The following ASTN2 variants were observed in gnomAD, a reference collection of about 807,000 sequenced individuals.
ASTN2 encodes astrotactin 2, also known as astrotactin-2.
In ASTN2, 54 loss-of-function variants were observed where a neutral mutation model predicts 139.8. The observed-to-expected ratio is 0.39, with a 90% confidence interval of 0.31 to 0.48. The LOEUF (loss-of-function observed/expected upper bound fraction) is 0.48, where lower values mean the gene tolerates loss of function less well. Ranked by LOEUF, ASTN2 falls within the 20% of genes least tolerant of loss-of-function variation. ASTN2 has a pLI of 0.95. For missense variants in ASTN2, 1,565 were observed against 1,725.1 expected (o/e 0.91, Z 1.64); for synonymous variants, 756 against 719.5 (o/e 1.05, Z -0.81).
intron 3 of ASTN2, among the ~76,000 whole-genome samples, chr9:117,169,722 G>A (rs1035975797): frequency 6.6e-6 from 1 of 150,398 alleles, no homozygotes; most frequent in African/African-American, 2.4e-5. Context: ...TGGAGGCTAC[G>A]TCAGACATGG....
intron 19 of ASTN2, among the ~76,000 whole-genome samples, chr9:116,615,178 C>T (rs1016402929): frequency 1.2e-4 from 19 of 152,116 alleles, no homozygotes; most frequent in African/African-American, 3.9e-4. Flanking sequence ...CAATGAGATA[C>T]CATCTCACAC....
intron 19 of ASTN2, among the ~76,000 whole-genome samples, chr9:116,498,792 G>A (rs1314768182): frequency 6.6e-6 from 1 of 152,154 alleles, no homozygotes; most frequent in Non-Finnish European, 1.5e-5. Context: ...CCAATGTTCA[G>A]CTCCAAGGAC....
intron 2 of ASTN2, among the ~76,000 whole-genome samples, chr9:117,269,788 A>G (rs1834021654): frequency 6.6e-6 from 1 of 152,230 alleles, no homozygotes; most frequent in Admixed American, 6.5e-5. Flanking sequence ...AGTTTTTCCA[A>G]GGTTGCATAG....
At chr9:116,621,217 A>G (rs191661497) in intron 17 of ASTN2, among the ~76,000 whole-genome samples, 1 of 152,190 alleles carries the variant, frequency 6.6e-6, no homozygotes, top group East Asian at 1.9e-4. Flanking sequence ...ATTACTTAAC[A>G]CTGCCTTTGT....
intron 10 of ASTN2, among the ~76,000 whole-genome samples, chr9:116,952,029 A>G (rs1038943288): frequency 6.6e-6 from 1 of 152,232 alleles, no homozygotes; most frequent in African/African-American, 2.4e-5. Context: ...GGGTTGTGCC[A>G]CTATAGCTGA....
intron 1 of ASTN2, among the ~76,000 whole-genome samples, chr9:117,302,885 A>G (rs143544128): frequency 1.3e-5 from 2 of 152,316 alleles, no homozygotes; most frequent in African/African-American, 4.8e-5. Flanking sequence ...ACGCTGGCCT[A>G]AATCCATTGC....
Position 117,196,201 on chromosome 9 carries a change from C to T in ASTN2, c.1015+18157G>A, listed in dbSNP as rs577291271. ...TTACTTAACCCCTCTTTGCTTTGGT[C>T]TCCTCCTCTGTACAGTAGGGATAAC... is the stretch of plus-strand genomic sequence containing the variant. On this transcript the variant is annotated intron_variant, in intron 3 of 22. Transcript: ENST00000313400. 3.3e-5 allele frequency among the ~76,000 whole-genome samples: 5 copies of T among 152,250 alleles called. No homozygotes were observed. The East Asian group carries it at 9.7e-4, about 29-fold the overall frequency.
At chr9:117,273,856 A>G (rs1213925879) in intron 2 of ASTN2, among the ~76,000 whole-genome samples, 1 of 152,188 alleles carries the variant, frequency 6.6e-6, no homozygotes, top group Non-Finnish European at 1.5e-5. Context: ...TATCAAACCA[A>G]TTGACCTCCT....
intron 4 of ASTN2, among the ~76,000 whole-genome samples, chr9:117,110,447 C>T (rs573786655): frequency 6.6e-6 from 1 of 152,192 alleles, no homozygotes; most frequent in South Asian, 2.1e-4. Flanking sequence ...GAATATTAGG[C>T]TTTGATGATG....
chr9:116,990,370 G>A (rs553005699), intron 7 of ASTN2, among the ~76,000 whole-genome samples: 442 of 29,532 alleles, frequency 0.015, 1 homozygote, highest in African/African-American at 0.018. Flanking sequence ...GGGTTCAAGC[G>A]ATTCTCCTGC....
chr9:116,661,871 G>A (rs958215205), intron 16 of ASTN2, among the ~76,000 whole-genome samples: 4 of 151,944 alleles, frequency 2.6e-5, no homozygotes, highest in African/African-American at 4.8e-5. Context: ...TGTGGGGTGC[G>A]GGGAGGGGAG....
intron 22 of ASTN2, among the ~76,000 whole-genome samples, chr9:116,438,669 G>A (rs7851264): frequency 0.3 from 45,612 of 152,134 alleles, 7,279 homozygotes; most frequent in East Asian, 0.5. Context: ...ATCTTGGGCC[G>A]GGCGGTGGCT....
At chr9:117,286,472 C>T (rs1466143244) in intron 2 of ASTN2, among the ~76,000 whole-genome samples, 5 of 151,608 alleles carry the variant, frequency 3.3e-5, no homozygotes, top group Non-Finnish European at 5.9e-5. Context: ...TCACGAGGTC[C>T]GGAGATCAAG....
At chr9:116,607,410 C>T (rs1855262596) in intron 19 of ASTN2, among the ~76,000 whole-genome samples, 1 of 152,054 alleles carries the variant, frequency 6.6e-6, no homozygotes, top group African/African-American at 2.4e-5. Context: ...GTTAAAAAAT[C>T]CCTGTAAAGA....
intron 16 of ASTN2, among the ~76,000 whole-genome samples, chr9:116,696,699 T>G (rs567071452): frequency 6.6e-6 from 1 of 152,346 alleles, no homozygotes; most frequent in African/African-American, 2.4e-5. Flanking sequence ...CTACATGTCT[T>G]GTCTTTTATA....
intron 11 of ASTN2, among the ~76,000 whole-genome samples, chr9:116,831,181 G>A (rs1249540278): frequency 1.3e-5 from 2 of 152,098 alleles, no homozygotes; most frequent in East Asian, 3.8e-4. Context: ...GACAAACACT[G>A]GAGACTACAA....
chr9:117,292,869 C>G (rs910042041), intron 1 of ASTN2, among the ~76,000 whole-genome samples: 3 of 152,150 alleles, frequency 2.0e-5, no homozygotes, highest in Admixed American at 6.5e-5. Context: ...TACCAAATCA[C>G]TTACTCATCA....
chr9:117,262,055 A>G (rs1198869134), intron 2 of ASTN2, among the ~76,000 whole-genome samples: 1 of 152,174 alleles, frequency 6.6e-6, no homozygotes, highest in Non-Finnish European at 1.5e-5. Context: ...AATGGCCTCT[A>G]TCATTTAGGA....
chr9:116,714,246 C>T (rs1352865239), intron 16 of ASTN2, among the ~76,000 whole-genome samples: 1 of 152,142 alleles, frequency 6.6e-6, no homozygotes, highest in Non-Finnish European at 1.5e-5. Context: ...TTCCCACCTC[C>T]AGGTTTAGGA....
Sources: allele counts gnomAD v4.1 joint callset (sites outside exome capture counted in the v4.1 genomes callset), GRCh38; gene constraint gnomAD v4.1.1; transcripts MANE v1.5; gene names NCBI Gene and HGNC (gene_info 2026-07-23, HGNC 2026-07-21).